NAA16: variants seen among roughly 807,000 people sequenced by gnomAD.
NAA16 encodes the protein N-alpha-acetyltransferase 16, NatA auxiliary subunit.
NAA16 carries 97 observed loss-of-function variants against 110.3 expected under a neutral mutation model. The ratio of observed to expected loss-of-function variants is 0.88; its 90% confidence interval spans 0.75 to 1.04. NAA16 has a LOEUF of 1.04. Among genes scored for constraint, NAA16 ranks in the 50% least tolerant of loss-of-function variants. NAA16 has a pLI of 0.00. For synonymous variants in NAA16, 372 were observed against 330.6 expected (o/e 1.13, Z -1.36); for missense variants, 1,017 against 1,005.1 (o/e 1.01, Z -0.16).
rs538425535 is a variant in NAA16, at chr13:41,376,423, G to C, written c.*821G>C. The C allele has an allele frequency of 6.6e-5, 10 of 152,182 alleles. No individual in the cohort carries two copies. Among genetic ancestry groups the C allele is most frequent in the African/African-American group, 2.4e-4 (10 of 41,522 alleles). The allele number at this position is 152,182 out of a possible 1,614,324, so 9.4% of individuals were successfully genotyped here. ...AAATGGTATTTTCTGGTTGAATAAG[G>C]GTACTCTAGTTTTATGTAGATGATT... is the stretch of plus-strand genomic sequence containing the variant. On this transcript the variant is annotated 3_prime_UTR_variant, in exon 20 of 20. Transcript: ENST00000379406.
intron 2 of NAA16, 36 bp from the exon 3 acceptor site, chr13:41,318,770 G>A (rs776967406): frequency 8.5e-7 from 1 of 1,182,354 alleles, no homozygotes; most frequent in South Asian, 1.6e-5. Context: ...ATAATTTTGT[G>A]TCATTTGTAA....
chr13:41,368,199 A>G (rs536161830), intron 14 of NAA16, among the ~76,000 whole-genome samples: 1 of 152,326 alleles, frequency 6.6e-6, no homozygotes, highest in South Asian at 2.1e-4. Flanking sequence ...TAAGAATATC[A>G]GTGAGAATAT....
intron 13 of NAA16, among the ~76,000 whole-genome samples, chr13:41,363,538 A>G (rs988670212): frequency 7.2e-5 from 11 of 152,180 alleles, no homozygotes; most frequent in African/African-American, 9.6e-5. Flanking sequence ...TTAGAATATG[A>G]TAAGTGGATC....
At chr13:41,364,327 G>A (rs2043169033) in intron 13 of NAA16, among the ~76,000 whole-genome samples, 1 of 152,044 alleles carries the variant, frequency 6.6e-6, no homozygotes, top group African/African-American at 2.4e-5. Context: ...ACTGCTTTGA[G>A]CTCTTAGTAA....
chr13:41,339,536 A>T (rs934110432), intron 9 of NAA16, among the ~76,000 whole-genome samples: 1 of 151,984 alleles, frequency 6.6e-6, no homozygotes, highest in East Asian at 1.9e-4. Context: ...GACAAATTCC[A>T]TAACTTTTTT....
rs373724826 is a variant in NAA16, at chr13:41,316,945, G to A, written c.139+15G>A. 5.8e-6 allele frequency: 9 copies of A among 1,559,538 alleles called. No homozygotes were observed. Among genetic ancestry groups the A allele is most frequent in the Middle Eastern group, 1.7e-4 (1 of 5,930 alleles). On this transcript the variant is annotated intron_variant, in intron 2 of 19. Transcript: ENST00000379406. ...TGAACATGGAGGTATTGTCTCATGT[G>A]AGAGATTGCTTTAGGGAAATCAAAT...
At chr13:41,335,336 C>A (rs1449292476) in intron 8 of NAA16, among the ~76,000 whole-genome samples, 1 of 152,128 alleles carries the variant, frequency 6.6e-6, no homozygotes, top group African/African-American at 2.4e-5. Context: ...GTATTGCCTT[C>A]ATTTTACAGT....
chr13:41,343,777 G>A (rs2042614306), intron 9 of NAA16, among the ~76,000 whole-genome samples: 1 of 152,172 alleles, frequency 6.6e-6, no homozygotes, highest in Non-Finnish European at 1.5e-5. Context: ...CTGAGCTCAG[G>A]CAGTCTGCCC....
At chr13:41,367,792 A>G in intron 14 of NAA16, 140 bp downstream of exon 14, 2 of 556,446 alleles carry the variant, frequency 3.6e-6, no homozygotes, top group Non-Finnish European at 6.0e-6. Flanking sequence ...ATGCCAAAAA[A>G]CAAAAATGTT....
At chr13:41,319,567 A>G (rs747126128) in intron 3 of NAA16, among the ~76,000 whole-genome samples, 6 of 152,152 alleles carry the variant, frequency 3.9e-5, no homozygotes, top group Admixed American at 1.3e-4. Flanking sequence ...CCCAGGCTAG[A>G]GTGCAGTGGC....
chr13:41,331,705 A>G (rs1165575468), intron 8 of NAA16, among the ~76,000 whole-genome samples: 1 of 152,084 alleles, frequency 6.6e-6, no homozygotes, highest in Non-Finnish European at 1.5e-5. Flanking sequence ...ACAGTTAGAT[A>G]GAAGGAATAA....
At chr13:41,336,612 G>A (rs374371200) in intron 8 of NAA16, 38 bp from the exon 9 acceptor site, 22 of 1,234,464 alleles carry the variant, frequency 1.8e-5, no homozygotes, top group African/African-American at 9.2e-5. Context: ...AATTGTTTGC[G>A]TGAACCAAAG....
intron 2 of NAA16, among the ~76,000 whole-genome samples, chr13:41,317,158 G>GA (rs985728094): frequency 7.9e-5 from 12 of 151,968 alleles, no homozygotes; most frequent in African/African-American, 1.5e-4. Flanking sequence ...ATCTATTGGG[G>GA]AAAAAATTGG....
chr13:41,339,335 C>T (rs1235954123), intron 9 of NAA16, among the ~76,000 whole-genome samples: 2 of 152,052 alleles, frequency 1.3e-5, no homozygotes, highest in Non-Finnish European at 2.9e-5. Flanking sequence ...GACGAGGTTT[C>T]TCCACGTTGG....
chr13:41,321,793 C>G (rs896528642), intron 4 of NAA16, among the ~76,000 whole-genome samples: 2 of 152,012 alleles, frequency 1.3e-5, no homozygotes, highest in Admixed American at 6.6e-5. Context: ...GAGAAGGAGG[C>G]CACTAGGTTC....
intron 3 of NAA16, among the ~76,000 whole-genome samples, chr13:41,320,334 G>C (rs973818418): frequency 1.3e-5 from 2 of 152,180 alleles, no homozygotes; most frequent in Non-Finnish European, 2.9e-5. Flanking sequence ...TGATGGGATA[G>C]AGGGTAGAAA....
chr13:41,357,271 T>C (rs769856053), intron 10 of NAA16, among the ~76,000 whole-genome samples: 15 of 152,226 alleles, frequency 9.9e-5, no homozygotes, highest in Admixed American at 2.6e-4. Context: ...CAGTTAGTTA[T>C]GATCATGCCA....
chr13:41,365,508 GT>G (rs955312176), intron 13 of NAA16, among the ~76,000 whole-genome samples: 1 of 152,130 alleles, frequency 6.6e-6, no homozygotes, highest in South Asian at 2.1e-4. Flanking sequence ...GCAATACACT[GT>G]TTTTTCCAAA....
chr13:41,318,875 G>C lies in NAA16; in HGVS notation c.209G>C (p.Arg70Pro). Residue 70 changes from arginine (R) to proline (P), a missense_variant, in exon 3 of 20, where the codon CGT becomes CCT. Physicochemically the swap from Arg to Pro is moderately radical, Grantham distance 103. Coordinates refer to ENST00000379406, the MANE Select transcript of NAA16 (RefSeq NM_024561.5). ...GKKEEAYEFVRKGLRNDVKSH... is the reference protein window; with the variant it reads ...GKKEEAYEFVPKGLRNDVKSH... ...AAAGAAGAAGCTTATGAGTTTGTTC[G>C]TAAAGGACTTCGTAATGATGTCAAG... The C allele has an allele frequency of 6.2e-7, 1 of 1,602,708 alleles. No homozygotes were observed. Among genetic ancestry groups the C allele is most frequent in the Non-Finnish European group, 8.5e-7 (1 of 1,174,264 alleles).
Sources: gnomAD v4.1 joint callset for allele counts (sites outside exome capture counted in the v4.1 genomes callset) on GRCh38, gnomAD v4.1.1 for gene constraint, MANE v1.5 for transcripts, NCBI Gene and HGNC (gene_info 2026-07-23, HGNC 2026-07-21) for gene names.